ARHGAP28: variants seen among roughly 807,000 people sequenced by gnomAD.
ARHGAP28 encodes rho GTPase-activating protein 28.
ARHGAP28 carries 56 observed loss-of-function variants against 90.7 expected under a neutral mutation model. That is an observed-to-expected ratio of 0.62 (90% CI 0.50 to 0.77). The LOEUF is 0.77. Among genes scored for constraint, ARHGAP28 ranks in the 30% least tolerant of loss-of-function variants. The pLI is 0.00. For missense variants in ARHGAP28, 869 were observed against 900.9 expected (o/e 0.96, Z 0.45); for synonymous variants, 308 against 323.3 (o/e 0.95, Z 0.51).
intron 1 of ARHGAP28, among the ~76,000 whole-genome samples, chr18:6,758,801 A>C (rs2143313828): frequency 6.6e-6 from 1 of 152,282 alleles, no homozygotes; most frequent in South Asian, 2.1e-4. Context: ...TTATTATCTC[A>C]GATAAATGAG....
chr18:6,868,106 A>G, intron 5 of ARHGAP28, 44 bp from the exon 6 acceptor site: 1 of 1,507,076 alleles, frequency 6.6e-7, no homozygotes. Flanking sequence ...GGTGGACTGT[A>G]TTTATGGTAA....
At position 6,851,260 on chromosome 18, in the gene ARHGAP28, C is replaced by T. The variant is rs112647878; in HGVS notation, c.636+134C>T. The T allele has an allele frequency of 1.6e-4, 120 of 751,048 alleles. No homozygotes were observed. The African/African-American group carries it at 1.8e-3, about 11-fold the overall frequency. The allele number at this position is 751,048 out of a possible 1,614,324, so 46.5% of individuals were successfully genotyped here. A position where few individuals can be genotyped will look rare whatever the true frequency, so the allele number is the denominator to read the frequency against. On this transcript the variant is annotated intron_variant, in intron 4 of 17. Transcript: ENST00000383472. ...CCACAGATTTCAACACACTTATCTA[C>T]CTTAGGTGATTTTTAAGGAAAATAT...
At chr18:6,763,159 C>T (rs908029778) in intron 1 of ARHGAP28, among the ~76,000 whole-genome samples, 9 of 152,102 alleles carry the variant, frequency 5.9e-5, no homozygotes, top group Admixed American at 4.6e-4. Context: ...GGCGTGATCT[C>T]GGCTCACTGC....
At chr18:6,778,406 G>A (rs190583391) in intron 1 of ARHGAP28, among the ~76,000 whole-genome samples, 25 of 152,256 alleles carry the variant, frequency 1.6e-4, no homozygotes, top group African/African-American at 5.1e-4. Context: ...GAAGAAATTG[G>A]TCATGTTGTC....
At chr18:6,883,237 T>C (rs974436771) in intron 11 of ARHGAP28, among the ~76,000 whole-genome samples, 3 of 86,932 alleles carry the variant, frequency 3.5e-5, no homozygotes, top group African/African-American at 9.1e-5. Flanking sequence ...TGTCAGGCAC[T>C]AATTTTTTTT....
chr18:6,856,559 G>T (rs1232382507), intron 4 of ARHGAP28, among the ~76,000 whole-genome samples: 1 of 152,056 alleles, frequency 6.6e-6, no homozygotes, highest in Non-Finnish European at 1.5e-5. Flanking sequence ...GTCCAGCCTG[G>T]AGAGCACTGG....
chr18:6,913,815 T>G lies in ARHGAP28; in HGVS notation c.*1661T>G, dbSNP rs763162148. 9.2e-5 allele frequency: 14 copies of G among 152,148 alleles called. No homozygotes were observed. The highest frequency in any genetic ancestry group is 2.1e-4 in the Non-Finnish European group (14 of 68,004). 9.4% of individuals were successfully genotyped at this position (152,148 alleles called of 1,614,324 possible). ...ATGTTTATTCCTACATTTTATTCATTTTTAATGTATGGGTAATTGGTGGCA... is the reference window on the plus strand; with the variant it reads ...ATGTTTATTCCTACATTTTATTCATGTTTAATGTATGGGTAATTGGTGGCA... On this transcript the variant is annotated 3_prime_UTR_variant, in exon 18 of 18. Transcript: ENST00000383472.
chr18:6,770,393 A>G (rs2056232915), intron 1 of ARHGAP28, among the ~76,000 whole-genome samples: 1 of 152,238 alleles, frequency 6.6e-6, no homozygotes, highest in Non-Finnish European at 1.5e-5. Context: ...AAGCAATTCT[A>G]CAGGAAAAAG....
At chr18:6,745,644 T>C (rs2056016918) in intron 1 of ARHGAP28, among the ~76,000 whole-genome samples, 1 of 152,216 alleles carries the variant, frequency 6.6e-6, no homozygotes, top group South Asian at 2.1e-4. Context: ...CAATTACTCC[T>C]TCCAGGCAAC....
chr18:6,899,888 C>T (rs1045368740), intron 16 of ARHGAP28, among the ~76,000 whole-genome samples: 3 of 152,166 alleles, frequency 2.0e-5, no homozygotes, highest in Admixed American at 1.3e-4. Context: ...TGAGCCTCCA[C>T]CTGACACCTG....
At chr18:6,812,075 A>T (rs931816196) in intron 1 of ARHGAP28, among the ~76,000 whole-genome samples, 5 of 152,144 alleles carry the variant, frequency 3.3e-5, no homozygotes, top group African/African-American at 1.2e-4. Flanking sequence ...TAGCCAAACC[A>T]TATTTTCCCA....
chr18:6,836,567 T>C (rs1442868860), intron 2 of ARHGAP28, among the ~76,000 whole-genome samples: 3 of 152,028 alleles, frequency 2.0e-5, no homozygotes, highest in Non-Finnish European at 4.4e-5. Context: ...CAAGAGGTGA[T>C]TGTATAAGGC....
At chr18:6,791,838 G>T (rs72893655) in intron 1 of ARHGAP28, among the ~76,000 whole-genome samples, 7,044 of 148,578 alleles carry the variant, frequency 0.047, 325 homozygotes, top group Admixed American at 0.15. Context: ...TTAATTTGTG[G>T]GTTTTTTTTG....
intron 16 of ARHGAP28, among the ~76,000 whole-genome samples, chr18:6,900,202 C>CA (rs1319443923): frequency 1.3e-5 from 2 of 151,826 alleles, no homozygotes; most frequent in South Asian, 2.1e-4. Context: ...GACTACATGC[C>CA]AAAAAATGAA....
intron 7 of ARHGAP28, among the ~76,000 whole-genome samples, 180 bp downstream of exon 7, chr18:6,870,912 T>A (rs886978851): frequency 1.3e-5 from 2 of 152,136 alleles, no homozygotes; most frequent in Non-Finnish European, 2.9e-5. Flanking sequence ...GCCATTCTCC[T>A]GCCTCAGCCT....
In ARHGAP28 at chr18:6,741,544, G is replaced by C. The variant is rs551173854; in HGVS notation, c.122+11601G>C. Among the ~76,000 whole-genome samples the C allele has an allele frequency of 3.3e-5, 5 of 152,214 alleles. No individual in the cohort carries two copies. In the East Asian group the frequency reaches 9.7e-4, roughly 29 times the overall value. ...GAGTCATTGCTTATAAGAAGCCCAA[G>C]TGAAGCTGATTTCGATTATACCAAT... On this transcript the variant is annotated intron_variant, in intron 1 of 17. Transcript: ENST00000383472.
At chr18:6,813,459 TA>T (rs2056570386) in intron 1 of ARHGAP28, among the ~76,000 whole-genome samples, 1 of 152,210 alleles carries the variant, frequency 6.6e-6, no homozygotes, top group Non-Finnish European at 1.5e-5. Context: ...CATACATTTT[TA>T]AACATCCATA....
intron 1 of ARHGAP28, among the ~76,000 whole-genome samples, chr18:6,762,936 A>C (rs1434227671): frequency 6.6e-6 from 1 of 152,146 alleles, no homozygotes; most frequent in Non-Finnish European, 1.5e-5. Context: ...TTCAGGACTG[A>C]GCATAGAAAT....
intron 3 of ARHGAP28, among the ~76,000 whole-genome samples, chr18:6,844,925 C>T (rs946655508): frequency 2.0e-5 from 3 of 152,162 alleles, no homozygotes; most frequent in African/African-American, 4.8e-5. Flanking sequence ...ACAACACCCA[C>T]GGCAATAGCT....
Sources: allele counts gnomAD v4.1 joint callset (sites outside exome capture counted in the v4.1 genomes callset), GRCh38; gene constraint gnomAD v4.1.1; transcripts MANE v1.5; gene names NCBI Gene and HGNC (gene_info 2026-07-23, HGNC 2026-07-21).